The following ANO3 variants were observed in gnomAD, a reference collection of about 807,000 sequenced individuals.
The protein encoded by ANO3 is anoctamin 3, also known as anoctamin-3.
A neutral mutation model predicts 144.8 loss-of-function variants in ANO3; 99 were observed. The observed-to-expected ratio is 0.68, with a 90% CI of 0.58 to 0.81. The LOEUF (loss-of-function observed/expected upper bound fraction) is 0.81. Among genes scored for constraint, ANO3 ranks in the 30% least tolerant of loss-of-function variants. The pLI is 0.00. For missense variants in ANO3, 905 were observed against 1,202.2 expected, an observed-to-expected ratio of 0.75 and a Z score of 3.66; for synonymous variants, 414 against 392.6, an observed-to-expected ratio of 1.05 and a Z score of -0.64.
At chr11:26,192,472 T>G (rs1268735315) in intron 1 of ANO3, among the ~76,000 whole-genome samples, 1 of 152,176 alleles carries the variant, frequency 6.6e-6, no homozygotes, top group Non-Finnish European at 1.5e-5. Flanking sequence ...TGAAGGTTAG[T>G]CCATAGAAAT....
At chr11:26,489,744 C>T (rs922097945) in intron 4 of ANO3, among the ~76,000 whole-genome samples, 3 of 152,134 alleles carry the variant, frequency 2.0e-5, no homozygotes, top group African/African-American at 7.2e-5. Context: ...TTTGACTGCT[C>T]CACTGGATTT....
intron 1 of ANO3, among the ~76,000 whole-genome samples, chr11:26,263,225 T>C (rs532629305): frequency 2.6e-5 from 4 of 152,348 alleles, no homozygotes; most frequent in South Asian, 2.1e-4. Flanking sequence ...TGATCAAATA[T>C]GTAGTTATGT....
chr11:26,457,127 A>G (rs949473269), intron 3 of ANO3, among the ~76,000 whole-genome samples: 16 of 149,916 alleles, frequency 1.1e-4, no homozygotes, highest in African/African-American at 3.9e-4. Flanking sequence ...CTAATGCTAG[A>G]TGACGAGTTA....
intron 17 of ANO3, among the ~76,000 whole-genome samples, chr11:26,604,554 G>T (rs1295205509): frequency 1.3e-5 from 2 of 152,056 alleles, no homozygotes; most frequent in East Asian, 3.9e-4. Flanking sequence ...AGAATAGAAT[G>T]TTTTTCCATT....
At chr11:26,312,928 T>C (rs188035674) in intron 1 of ANO3, among the ~76,000 whole-genome samples, 285 of 152,352 alleles carry the variant, frequency 1.9e-3, no homozygotes, top group Non-Finnish European at 2.8e-3. Flanking sequence ...TAATTAAATA[T>C]CATGTAAATA....
At chr11:26,489,778 C>A (rs1408812685) in intron 4 of ANO3, among the ~76,000 whole-genome samples, 2 of 152,118 alleles carry the variant, frequency 1.3e-5, no homozygotes, top group African/African-American at 4.8e-5. Context: ...GCCCTGTAAC[C>A]TTTTTGTTTT....
chr11:26,355,779 C>T (rs528845966), intron 1 of ANO3, among the ~76,000 whole-genome samples: 4 of 152,172 alleles, frequency 2.6e-5, no homozygotes, highest in East Asian at 1.9e-4. Context: ...AGCCTGGTCT[C>T]GAACTTCTGA....
intron 4 of ANO3, among the ~76,000 whole-genome samples, chr11:26,484,370 A>T (rs1860356986): frequency 6.6e-6 from 1 of 152,198 alleles, no homozygotes; most frequent in Non-Finnish European, 1.5e-5. Flanking sequence ...CAGCTCCAGC[A>T]GTGGCTAAAA....
chr11:26,575,859 A>G (rs2132843227), intron 14 of ANO3, among the ~76,000 whole-genome samples: 1 of 152,300 alleles, frequency 6.6e-6, no homozygotes, highest in South Asian at 2.1e-4. Flanking sequence ...CATAGTGTCC[A>G]CTATATCTTT....
intron 4 of ANO3, among the ~76,000 whole-genome samples, chr11:26,466,627 A>G (rs917440687): frequency 2.6e-5 from 4 of 151,982 alleles, no homozygotes; most frequent in Admixed American, 6.6e-5. Flanking sequence ...AGTTGCCCCA[A>G]ATGAGGCAGA....
chr11:26,308,198 C>T (rs1854427491), upstream of ANO3, among the ~76,000 whole-genome samples: 1 of 152,106 alleles, frequency 6.6e-6, no homozygotes, highest in African/African-American at 2.4e-5. Context: ...CAAGAAAAAA[C>T]AATGAAGAGA....
At chr11:26,341,114 C>T (rs1455046874) in intron 1 of ANO3, among the ~76,000 whole-genome samples, 1 of 151,520 alleles carries the variant, frequency 6.6e-6, no homozygotes, top group Non-Finnish European at 1.5e-5. Context: ...CCTTTCCTTC[C>T]TCTCTCTTTC....
chr11:26,639,930 T>G (rs923490845), intron 21 of ANO3, among the ~76,000 whole-genome samples: 2 of 152,216 alleles, frequency 1.3e-5, no homozygotes, highest in African/African-American at 2.4e-5. Flanking sequence ...ACATGTCTAT[T>G]TGAATAATTT....
At chr11:26,245,292 C>A (rs1024046682) in intron 1 of ANO3, among the ~76,000 whole-genome samples, 19 of 152,042 alleles carry the variant, frequency 1.2e-4, no homozygotes, top group African/African-American at 4.1e-4. Flanking sequence ...GCATTCTTCC[C>A]CTTTTGTAAT....
chr11:26,577,559 C>A, intron 14 of ANO3, among the ~76,000 whole-genome samples: 2 of 88,024 alleles, frequency 2.3e-5, no homozygotes, highest in Non-Finnish European at 2.5e-5. Flanking sequence ...AGAGAGACTC[C>A]GTCTCAAAAA....
intron 14 of ANO3, among the ~76,000 whole-genome samples, chr11:26,594,723 G>A (rs1337521102): frequency 2.6e-5 from 4 of 152,140 alleles, no homozygotes; most frequent in African/African-American, 9.7e-5. Flanking sequence ...GGGCAGGGAG[G>A]TAGACTCTGA....
At chr11:26,241,988 T>C (rs1852673159) in intron 1 of ANO3, among the ~76,000 whole-genome samples, 1 of 152,154 alleles carries the variant, frequency 6.6e-6, no homozygotes, top group South Asian at 2.1e-4. Context: ...TCAAGGAAAG[T>C]AACAGAGAGG....
In ANO3 at chr11:26,639,107, A is replaced by C. The variant is rs375461851; in HGVS notation, c.2044-37A>C. ...GGCATGTCTGAGCCTACTGGGAAGA[A>C]GACCAATATCATTATTGCTCTTATG... On this transcript the variant is annotated intron_variant, in intron 20 of 26. Transcript: ENST00000256737. The C allele has an allele frequency of 1.9e-4, 273 of 1,427,728 alleles. 2 individuals are homozygous for C. The highest frequency in any genetic ancestry group is 5.4e-5 in the Non-Finnish European group (55 of 1,010,592). 88.4% of individuals were successfully genotyped at this position (1,427,728 alleles called of 1,614,324 possible). A position where few individuals can be genotyped will look rare whatever the true frequency, so the allele number is the denominator to read the frequency against.
chr11:26,381,663 T>C (rs1590312131), intron 1 of ANO3, among the ~76,000 whole-genome samples: 1 of 152,208 alleles, frequency 6.6e-6, no homozygotes, highest in South Asian at 2.1e-4. Context: ...TCATTGGCTG[T>C]CATATACACA....
Sources: gnomAD v4.1 joint callset for allele counts (sites outside exome capture counted in the v4.1 genomes callset) on GRCh38, gnomAD v4.1.1 for gene constraint, MANE v1.5 for transcripts, NCBI Gene and HGNC (gene_info 2026-07-23, HGNC 2026-07-21) for gene names.